The following PTPN18 variants were observed in gnomAD, a reference collection of about 807,000 sequenced individuals.
PTPN18 encodes the protein tyrosine-protein phosphatase non-receptor type 18.
In PTPN18, 65 loss-of-function variants were observed where a neutral mutation model predicts 65.4. The ratio of observed to expected loss-of-function variants is 0.99; its 90% CI spans 0.81 to 1.22. The LOEUF (loss-of-function observed/expected upper bound fraction) is 1.22, where lower values mean the gene tolerates loss of function less well. Ranked by LOEUF, PTPN18 falls within the 50% of genes most tolerant of loss-of-function variation. The pLI, the probability that PTPN18 is intolerant of heterozygous loss-of-function variation, is 0.00. For missense variants in PTPN18, 616 were observed against 646.5 expected (o/e 0.95, Z 0.51); for synonymous variants, 255 against 267.8 (o/e 0.95, Z 0.47).
rs1680503039 is a variant in PTPN18 at position 130,370,037 on chromosome 2, C to T, written c.547-11C>T. 6.2e-7 allele frequency: 1 copy of T among 1,610,876 alleles called. No individual in the cohort carries two copies. Among genetic ancestry groups the T allele is most frequent in the Admixed American group, 1.7e-5 (1 of 59,504 alleles). On this transcript the variant is annotated splice_polypyrimidine_tract_variant and intron_variant, in intron 7 of 14. Transcript: ENST00000175756. ...TCCTAAGTCTTTTGCTCATCTTTTT[C>T]TGTGTTTCAGGAGTCCCGTTCTGTG...
intron 11 of PTPN18, 87 bp downstream of exon 11, chr2:130,371,051 C>T: frequency 6.9e-7 from 1 of 1,451,964 alleles, no homozygotes; most frequent in Non-Finnish European, 9.5e-7. Flanking sequence ...CCCGGGACTA[C>T]TGGGAGCAGG....
chr2:130,356,390 C>G (rs951475524), intron 1 of PTPN18, among the ~76,000 whole-genome samples, 190 bp downstream of exon 1: 2 of 152,148 alleles, frequency 1.3e-5, no homozygotes, highest in Non-Finnish European at 2.9e-5. Flanking sequence ...TCACTCTCTG[C>G]CCCCCGGCCC....
intron 5 of PTPN18, among the ~76,000 whole-genome samples, chr2:130,368,368 T>G (rs1437720895): frequency 6.6e-6 from 1 of 152,250 alleles, no homozygotes; most frequent in Non-Finnish European, 1.5e-5. Context: ...TTTGGATGGT[T>G]GATCAAGTAG....
intron 5 of PTPN18, among the ~76,000 whole-genome samples, chr2:130,362,760 C>T (rs1680258503): frequency 6.6e-6 from 1 of 151,966 alleles, no homozygotes; most frequent in Non-Finnish European, 1.5e-5. Context: ...GTGTACAGTT[C>T]CATCATTTTT....
chr2:130,372,031 CT>C (rs1367969719), intron 12 of PTPN18: 4 of 519,280 alleles, frequency 7.7e-6, no homozygotes, highest in Non-Finnish European at 1.0e-5. Context: ...AACCAACACT[CT>C]GCCCCAAATT....
Position 130,373,311 on chromosome 2 carries a change from A to G in PTPN18, c.*87A>G, listed in dbSNP as rs960950544. 3 of 1,288,852 alleles carry G rather than the reference A, an allele frequency of 2.3e-6. No homozygotes were observed. The highest frequency in any genetic ancestry group is 1.9e-4 in the Middle Eastern group (1 of 5,238). 79.8% of individuals were successfully genotyped at this position (1,288,852 alleles called of 1,614,324 possible). A position where few individuals can be genotyped will look rare whatever the true frequency, so the allele number is the denominator to read the frequency against. On this transcript the variant is annotated 3_prime_UTR_variant, in exon 15 of 15. Coordinates refer to ENST00000175756, the MANE Select transcript of PTPN18 (RefSeq NM_014369.4). The surrounding 1 kb of genome is among the most constrained non-coding windows in gnomAD (Gnocchi z 4.1). ...GCTGAGCGCCGTGCGCAGAATGGAA[A>G]CAGTGGGCCTGGATCAAAGTTAAAG...
At chr2:130,368,334 G>C (rs1236470707) in intron 5 of PTPN18, among the ~76,000 whole-genome samples, 4 of 152,154 alleles carry the variant, frequency 2.6e-5, no homozygotes, top group African/African-American at 4.8e-5. Context: ...GTTTTCTTTA[G>C]AGTGTTTTGC....
rs764528335 is a variant in PTPN18, at chr2:130,370,758, G to T, written c.810G>T (p.Gln270His). The change falls in exon 10 of 15, where the codon CAG becomes CAT. Residue 270 changes from glutamine (Q) to histidine (H), a missense_variant. This residue lies in a region of PTPN18 where 368 missense variants were observed against 386.7 expected (regional missense o/e 0.95). Transcript: ENST00000175756. ...LFDVVLKMRKQRPAAVQTEEQ... is the reference protein window; with the variant it reads ...LFDVVLKMRKHRPAAVQTEEQ... ...ATGTGGTCCTTAAGATGAGGAAGCA[G>T]CGGCCTGCGGCCGTGCAGACAGAGG... 1.2e-6 allele frequency: 2 copies of T among 1,614,196 alleles called. No homozygotes were observed. Among genetic ancestry groups the T allele is most frequent in the Admixed American group, 3.3e-5 (2 of 60,032 alleles).
In PTPN18 at chr2:130,371,307, G is replaced by C. The variant is rs779276746; in HGVS notation, c.1013+20G>C. 3.9e-6 allele frequency: 6 copies of C among 1,539,522 alleles called. No individual in the cohort carries two copies. In the Admixed American group the frequency reaches 1.0e-4, roughly 26 times the overall value. On this transcript the variant is annotated intron_variant, in intron 12 of 14. Transcript: ENST00000175756. ...CCTCAGGTACCCGGCTCCATCCCCG[G>C]ATTCTTCCCTGCCCAATTTCTCAGG...
intron 1 of PTPN18, among the ~76,000 whole-genome samples, chr2:130,358,117 A>G (rs1680052564): frequency 6.6e-6 from 1 of 152,194 alleles, no homozygotes; most frequent in Admixed American, 6.5e-5. Context: ...CTGCTCCCCA[A>G]GCCTGCCTCC....
chr2:130,371,544 C>G (rs1680565776), intron 12 of PTPN18, among the ~76,000 whole-genome samples: 1 of 152,160 alleles, frequency 6.6e-6, no homozygotes, highest in Non-Finnish European at 1.5e-5. Context: ...AACCTTAATT[C>G]AGGTGGCTCA....
chr2:130,372,825 C>T (rs755806104), intron 13 of PTPN18, 48 bp from the exon 14 acceptor site: 3 of 1,603,598 alleles, frequency 1.9e-6, no homozygotes, highest in African/African-American at 1.3e-5. Context: ...GGTCTTGGGA[C>T]TCCCTGGGGC....
At position 130,374,577 on chromosome 2, in the gene PTPN18, G is replaced by C. The variant is rs1680681259; in HGVS notation, c.*1353G>C. 2.1e-6 allele frequency: 1 copy of C among 470,164 alleles called. No individual in the cohort carries two copies. Among genetic ancestry groups the C allele is most frequent in the South Asian group, 1.6e-5 (1 of 64,486 alleles). The allele number at this position is 470,164 out of a possible 1,614,324, so 29.1% of individuals were successfully genotyped here. ...GGAGGACACGTCTCTGTGCACTGGTGTGGACAAATCTCCAAGTCACTGCAA... is the reference window on the plus strand; with the variant it reads ...GGAGGACACGTCTCTGTGCACTGGTCTGGACAAATCTCCAAGTCACTGCAA... On this transcript the variant is annotated 3_prime_UTR_variant, in exon 15 of 15. Transcript: ENST00000175756.
chr2:130,365,063 G>GT (rs1245503772), intron 5 of PTPN18, among the ~76,000 whole-genome samples: 17 of 152,086 alleles, frequency 1.1e-4, no homozygotes, highest in African/African-American at 3.6e-4. Flanking sequence ...ACATCATAGA[G>GT]TATACTTACA....
In PTPN18 at chr2:130,359,462, C is replaced by T. The variant is rs767622445; in HGVS notation, c.345C>T (p.Phe115=). The T allele has an allele frequency of 3.7e-6, 6 of 1,614,066 alleles. No individual in the cohort carries two copies. In the African/African-American group the frequency reaches 8.0e-5, roughly 22 times the overall value. ...CCTTGCCTCACACCCTGCTAGACTT[C>T]TGGAGACTGGTCTGGGAGTTTGGGG... ...QGPLPHTLLD[F]WRLVWEFGVK... The change falls in exon 4 of 15, where the codon TTC becomes TTT. Residue 115 remains phenylalanine, a synonymous_variant. Coordinates refer to ENST00000175756, the MANE Select transcript of PTPN18 (RefSeq NM_014369.4).
Position 130,356,126 on chromosome 2 carries a change from T to C in PTPN18, c.19T>C (p.Ser7Pro). The part of the protein sequence containing the change: MSRSLD[S>P]ARSFLERLEA... ...CGGCGCCATGAGCCGCAGCCTGGAC[T>C]CGGCGCGGAGCTTCCTGGAGCGGCT... Residue 7 changes from serine (S) to proline (P), a missense_variant, in exon 1 of 15, where the codon TCG becomes CCG. Physicochemically the swap from Ser to Pro is moderately conservative, Grantham distance 74. This residue lies in a region of PTPN18 where 223 missense variants were observed against 210.0 expected (regional missense o/e 1.06). Coordinates refer to ENST00000175756, the MANE Select transcript of PTPN18 (RefSeq NM_014369.4). The C allele has an allele frequency of 1.5e-6, 2 of 1,309,652 alleles. No homozygotes were observed. The highest frequency in any genetic ancestry group is 1.9e-6 in the Non-Finnish European group (2 of 1,033,192). The allele number at this position is 1,309,652 out of a possible 1,614,324, so 81.1% of individuals were successfully genotyped here. A position where few individuals can be genotyped will look rare whatever the true frequency, so the allele number is the denominator to read the frequency against.
rs1423238145 is a variant in PTPN18, at chr2:130,370,070, T to G, written c.569T>G (p.Leu190Arg). Reference protein sequence around the residue: ...FQKESRSVYQLQYMSWPDRGV... With the variant: ...FQKESRSVYQRQYMSWPDRGV... ...CAGGAGTCCCGTTCTGTGTACCAGC[T>G]ACAGTATATGTCCTGGCCAGACCGT... Residue 190 changes from leucine to arginine, a missense_variant, in exon 8 of 15, where the codon CTA (leucine) becomes CGA (arginine). Leu to Arg is a moderately radical substitution (Grantham distance 102). Around this residue, in one of 3 missense-constraint regions of PTPN18, gnomAD observed 25 missense variants for 49.8 expected, o/e 0.50. Coordinates refer to ENST00000175756, the MANE Select transcript of PTPN18 (RefSeq NM_014369.4). 23 of 1,614,080 alleles carry G rather than the reference T, an allele frequency of 1.4e-5. No homozygotes were observed. Among genetic ancestry groups the G allele is most frequent in the Non-Finnish European group, 1.9e-5 (22 of 1,180,038 alleles).
intron 8 of PTPN18, 36 bp downstream of exon 8, chr2:130,370,226 C>T (rs1318240308): frequency 6.2e-7 from 1 of 1,603,594 alleles, no homozygotes; most frequent in Non-Finnish European, 8.5e-7. Flanking sequence ...TCTGGTGAGG[C>T]AGAGGGGACA....
chr2:130,372,958 T>C lies in PTPN18; in HGVS notation c.1315+11T>C, dbSNP rs1435163878. ...AGACCGGTGGGCTAGGTAAGTCAGGTAGAGCCTGGGTTGCTGGGACTTTGC... is the reference window on the plus strand; with the variant it reads ...AGACCGGTGGGCTAGGTAAGTCAGGCAGAGCCTGGGTTGCTGGGACTTTGC... On this transcript the variant is annotated intron_variant, in intron 14 of 14. Coordinates refer to ENST00000175756, the MANE Select transcript of PTPN18 (RefSeq NM_014369.4). 1 of 1,613,784 alleles carries C rather than the reference T, an allele frequency of 6.2e-7. No individual in the cohort carries two copies. Among genetic ancestry groups the C allele is most frequent in the South Asian group, 1.1e-5 (1 of 91,052 alleles).
Sources: allele counts gnomAD v4.1 joint callset (sites outside exome capture counted in the v4.1 genomes callset), GRCh38; gene constraint gnomAD v4.1.1; regional missense constraint gnomAD v4.1.1; non-coding constraint Gnocchi (gnomAD v3.1); transcripts MANE v1.5; gene names NCBI Gene and HGNC (gene_info 2026-07-23, HGNC 2026-07-21).